The following RAP1GDS1 variants were observed in gnomAD, a reference collection of about 807,000 sequenced individuals.
RAP1GDS1 encodes the protein RAP1, GTP-GDP dissociation stimulator 1.
RAP1GDS1 carries 35 observed loss-of-function variants against 71.1 expected under a neutral mutation model. The ratio of observed to expected loss-of-function variants is 0.49; its 90% CI spans 0.38 to 0.65. The LOEUF is 0.65. Ranked by LOEUF, RAP1GDS1 falls within the 30% of genes least tolerant of loss-of-function variation. The probability of loss-of-function intolerance (pLI) is 0.00; values close to 1 mark genes in which losing one functional copy is unlikely to be tolerated. For missense variants in RAP1GDS1, 663 were observed against 706.1 expected, an observed-to-expected ratio of 0.94 and a Z score of 0.69; for synonymous variants, 229 against 243.1, an observed-to-expected ratio of 0.94 and a Z score of 0.54.
At chr4:98,353,490 C>A in intron 4 of RAP1GDS1, among the ~76,000 whole-genome samples, 1 of 151,558 alleles carries the variant, frequency 6.6e-6, no homozygotes, top group Admixed American at 6.6e-5. Flanking sequence ...TGCATATAAG[C>A]CAGAAAGAAA....
intron 6 of RAP1GDS1, among the ~76,000 whole-genome samples, chr4:98,393,850 G>A (rs889832571): frequency 2.0e-5 from 3 of 152,040 alleles, no homozygotes; most frequent in African/African-American, 7.2e-5. Flanking sequence ...TGAATATATT[G>A]GGTGAAATAA....
chr4:98,431,301 C>G (rs978139415), intron 12 of RAP1GDS1, among the ~76,000 whole-genome samples: 8 of 152,140 alleles, frequency 5.3e-5, no homozygotes, highest in African/African-American at 1.7e-4. Flanking sequence ...AATGGCTATA[C>G]CAACCGGCAA....
chr4:98,278,925 A>G (rs1279380476), intron 1 of RAP1GDS1, among the ~76,000 whole-genome samples: 1 of 152,154 alleles, frequency 6.6e-6, no homozygotes, highest in Non-Finnish European at 1.5e-5. Flanking sequence ...ATCATAGTAT[A>G]ATAATAGGGC....
At chr4:98,317,226 G>T (rs1245604635) in intron 2 of RAP1GDS1, among the ~76,000 whole-genome samples, 2 of 151,964 alleles carry the variant, frequency 1.3e-5, no homozygotes, top group African/African-American at 4.8e-5. Flanking sequence ...ATCTTGCCTT[G>T]GCCTTTCCCC....
intron 2 of RAP1GDS1, among the ~76,000 whole-genome samples, chr4:98,335,461 GTTGTTTGT>G (rs139341422): frequency 1.3e-5 from 2 of 151,926 alleles, no homozygotes; most frequent in African/African-American, 4.8e-5. Flanking sequence ...CTCTATTAGG[GTTGTTTGT>G]TTGTTTGTTT....
intron 1 of RAP1GDS1, among the ~76,000 whole-genome samples, chr4:98,267,015 A>C (rs912198993): frequency 1.3e-5 from 2 of 152,190 alleles, no homozygotes; most frequent in African/African-American, 2.4e-5. Flanking sequence ...TGAAGGAGGA[A>C]GATTCAGTCC....
intron 1 of RAP1GDS1, among the ~76,000 whole-genome samples, chr4:98,292,652 A>C (rs1447885159): frequency 2.0e-5 from 3 of 152,068 alleles, no homozygotes; most frequent in Non-Finnish European, 2.9e-5. Flanking sequence ...AATTATGTTA[A>C]TGTGCAGTAG....
chr4:98,411,894 T>G (rs1747120101), intron 7 of RAP1GDS1, among the ~76,000 whole-genome samples: 1 of 152,154 alleles, frequency 6.6e-6, no homozygotes, highest in Non-Finnish European at 1.5e-5. Flanking sequence ...TCACCACACA[T>G]CTCTAGCCCT....
intron 4 of RAP1GDS1, among the ~76,000 whole-genome samples, chr4:98,378,779 G>A (rs995388746): frequency 6.6e-6 from 1 of 151,844 alleles, no homozygotes; most frequent in African/African-American, 2.4e-5. Context: ...GCTCCTATAT[G>A]ATGCCAATGA....
chr4:98,307,024 T>C (rs560496394), intron 2 of RAP1GDS1, among the ~76,000 whole-genome samples: 3 of 152,118 alleles, frequency 2.0e-5, no homozygotes, highest in African/African-American at 4.8e-5. Context: ...TTTTTTCTAA[T>C]GGAAGCTTCT....
At chr4:98,387,682 A>G (rs547544667) in intron 5 of RAP1GDS1, among the ~76,000 whole-genome samples, 3 of 152,212 alleles carry the variant, frequency 2.0e-5, no homozygotes, top group African/African-American at 4.8e-5. Context: ...TTTGTCTGTG[A>G]TGTGTGTCAG....
chr4:98,405,779 G>A (rs1299103461), intron 7 of RAP1GDS1, among the ~76,000 whole-genome samples: 1 of 151,784 alleles, frequency 6.6e-6, no homozygotes, highest in African/African-American at 2.4e-5. Flanking sequence ...TTATAAATGT[G>A]GTTTGTCAGA....
At chr4:98,427,431 A>G (rs1189499949) in intron 12 of RAP1GDS1, among the ~76,000 whole-genome samples, 5 of 152,076 alleles carry the variant, frequency 3.3e-5, no homozygotes, top group South Asian at 2.1e-4. Flanking sequence ...AACTGTTGCT[A>G]TTTGCTGATG....
At chr4:98,400,078 A>C (rs988969269) in intron 6 of RAP1GDS1, among the ~76,000 whole-genome samples, 3 of 152,052 alleles carry the variant, frequency 2.0e-5, no homozygotes, top group African/African-American at 7.2e-5. Context: ...GCTTCAGCAC[A>C]GGATGTTGAG....
At chr4:98,390,562 A>C (rs1458221198) in intron 5 of RAP1GDS1, among the ~76,000 whole-genome samples, 4 of 152,106 alleles carry the variant, frequency 2.6e-5, no homozygotes, top group Non-Finnish European at 4.4e-5. Flanking sequence ...GCCAGTCATC[A>C]GTTTTCAGGG....
intron 3 of RAP1GDS1, 115 bp from the exon 4 acceptor site, chr4:98,352,361 C>G: frequency 9.2e-7 from 1 of 1,089,488 alleles, no homozygotes; most frequent in Non-Finnish European, 1.3e-6. Context: ...GCCACCTTTT[C>G]AAGGTGGCTT....
chr4:98,281,247 T>C (rs1725041681), intron 1 of RAP1GDS1, among the ~76,000 whole-genome samples: 1 of 152,234 alleles, frequency 6.6e-6, no homozygotes, highest in Non-Finnish European at 1.5e-5. Context: ...TCCATGAGCA[T>C]AGAATGTTCT....
At chr4:98,415,398 G>A (rs569421215) in intron 7 of RAP1GDS1, among the ~76,000 whole-genome samples, 107 of 152,292 alleles carry the variant, frequency 7.0e-4, no homozygotes, top group South Asian at 1.7e-3. Flanking sequence ...AAGATAACAG[G>A]ATTAAGAGAT....
intron 2 of RAP1GDS1, among the ~76,000 whole-genome samples, chr4:98,324,037 C>T (rs1331388721): frequency 6.6e-6 from 1 of 150,566 alleles, no homozygotes; most frequent in Non-Finnish European, 1.5e-5. Flanking sequence ...TCGTCTCAGC[C>T]CAAAATCTCC....
Sources: allele counts gnomAD v4.1 joint callset (sites outside exome capture counted in the v4.1 genomes callset), GRCh38; gene constraint gnomAD v4.1.1; transcripts MANE v1.5; gene names NCBI Gene and HGNC (gene_info 2026-07-23, HGNC 2026-07-21).